The following HMCN2 variants were observed in gnomAD, a reference collection of about 807,000 sequenced individuals.
HMCN2 encodes hemicentin-2.
Under a neutral mutation model 377.5 loss-of-function variants are expected in HMCN2, and 325 were observed. The ratio of observed to expected loss-of-function variants is 0.86; its 90% CI spans 0.79 to 0.94. HMCN2 has a LOEUF of 0.94. Ranked by LOEUF, HMCN2 falls within the 40% of genes least tolerant of loss-of-function variation. The probability of loss-of-function intolerance (pLI) is 0.00; values close to 1 mark genes in which losing one functional copy is unlikely to be tolerated. For missense variants in HMCN2, 4,543 were observed against 4,725.3 expected (o/e 0.96, Z 1.13); for synonymous variants, 2,007 against 2,046.8 (o/e 0.98, Z 0.53).
At chr9:130,417,576 G>C (rs769064962) in intron 85 of HMCN2, among the ~76,000 whole-genome samples, 2 of 151,736 alleles carry the variant, frequency 1.3e-5, no homozygotes, top group Non-Finnish European at 2.9e-5. Context: ...GGGGTGGTGT[G>C]GCAGGGGAGA....
intron 1 of HMCN2, among the ~76,000 whole-genome samples, chr9:130,283,737 T>C (rs1835265454): frequency 6.6e-6 from 1 of 152,228 alleles, no homozygotes; most frequent in South Asian, 2.1e-4. Flanking sequence ...TGTTGTTGCC[T>C]ATATTGGTAG....
intron 30 of HMCN2, 73 bp from the exon 31 acceptor site, chr9:130,352,854 G>A (rs1839807000): frequency 8.5e-7 from 1 of 1,173,010 alleles, no homozygotes; most frequent in South Asian, 1.5e-5. Flanking sequence ...AAAGGCATGA[G>A]TCTGCTGCCC....
chr9:130,379,317 G>GC lies in HMCN2; in HGVS notation c.8284dup (p.Arg2762ProfsTer44), dbSNP rs1815464048. On this transcript the variant is annotated frameshift_variant, in exon 54 of 98. Coordinates refer to ENST00000683500, the MANE Select transcript of HMCN2 (RefSeq NM_001291815.2). LOFTEE classifies it high-confidence loss of function. ...CGAGATCCTGTCCCGGGAGGAGGAGGCCCGGGGCGGAGTCACGGAATACAG... is the reference window on the plus strand; with the variant it reads ...CGAGATCCTGTCCCGGGAGGAGGAGGCCCCGGGGCGGAGTCACGGAATACAG... The GC allele has an allele frequency of 2.0e-6, 2 of 985,618 alleles. No individual in the cohort carries two copies. Among genetic ancestry groups the GC allele is most frequent in the African/African-American group, 3.5e-5 (2 of 57,174 alleles). The allele number at this position is 985,618 out of a possible 1,614,324, so 61.1% of individuals were successfully genotyped here.
At chr9:130,354,223 G>A (rs1011325793) in intron 31 of HMCN2, among the ~76,000 whole-genome samples, 19 of 152,164 alleles carry the variant, frequency 1.2e-4, no homozygotes, top group African/African-American at 4.1e-4. Context: ...TCTCCTTGAG[G>A]GTAGGAGAGA....
intron 15 of HMCN2, among the ~76,000 whole-genome samples, chr9:130,315,100 C>CA (rs1444217100): frequency 1.3e-5 from 2 of 151,536 alleles, no homozygotes; most frequent in Non-Finnish European, 2.9e-5. Context: ...GCGCCTCCTG[C>CA]AGGGGGTCAG....
rs1844450380 is a variant in HMCN2 at position 130,427,517 on chromosome 9, G to C, written c.13963G>C (p.Gly4655Arg). 2 of 1,550,380 alleles carry C rather than the reference G, an allele frequency of 1.3e-6. No homozygotes were observed. The highest frequency in any genetic ancestry group is 1.4e-5 in the African/African-American group (1 of 73,060). ...CCCAGACAGGGACGAGTGCTCAGGA[G>C]GCCCTAGCCCCTGCTCCCATGCCTG... ...FCVDRDECSGGPSPCSHACLN... is the reference protein window; with the variant it reads ...FCVDRDECSGRPSPCSHACLN... The change falls in exon 92 of 98, where the codon GGC (glycine) becomes CGC (arginine). Residue 4655 changes from glycine to arginine, a missense_variant. Physicochemically the swap from Gly to Arg is moderately radical, Grantham distance 125 (BLOSUM62 -2). Coordinates refer to ENST00000683500, the MANE Select transcript of HMCN2 (RefSeq NM_001291815.2).
chr9:130,385,729 G>A lies in HMCN2; in HGVS notation c.9276G>A (p.Arg3092=). 1 of 1,304,126 alleles carries A rather than the reference G, an allele frequency of 7.7e-7. No individual in the cohort carries two copies. The highest frequency in any genetic ancestry group is 1.0e-6 in the Non-Finnish European group (1 of 988,910). 80.8% of individuals were successfully genotyped at this position (1,304,126 alleles called of 1,614,324 possible). ...LVLAQRTQAL[R]GGQRLEIQEA... Reference sequence around the variant, plus strand: ...TGGCACAGCGGACCCAGGCTCTGCGGGGTGGGCAGAGGCTGGAGATCCAGG... The same window carrying A: ...TGGCACAGCGGACCCAGGCTCTGCGAGGTGGGCAGAGGCTGGAGATCCAGG... Residue 3092 remains arginine (R), a synonymous_variant, in exon 60 of 98, where the codon CGG becomes CGA. Coordinates refer to ENST00000683500, the MANE Select transcript of HMCN2 (RefSeq NM_001291815.2).
At chr9:130,407,368 C>T (rs1843152077) in intron 82 of HMCN2, 1 of 347,276 alleles carries the variant, frequency 2.9e-6, no homozygotes, top group Admixed American at 4.3e-5. Context: ...ACAGTGTGCA[C>T]TGGAAGATGG....
At chr9:130,406,570 T>C (rs550263699) in intron 82 of HMCN2, 104 of 217,538 alleles carry the variant, frequency 4.8e-4, no homozygotes, top group African/African-American at 2.2e-3. Context: ...GAGTACCTGC[T>C]GGGTACTCAA....
At chr9:130,333,700 G>C (rs1440902864) in intron 22 of HMCN2, among the ~76,000 whole-genome samples, 1 of 152,168 alleles carries the variant, frequency 6.6e-6, no homozygotes, top group African/African-American at 2.4e-5. Context: ...CTTCCCTGCT[G>C]GGCTGCAGCC....
chr9:130,383,970 G>A (rs1841875075), intron 57 of HMCN2, among the ~76,000 whole-genome samples: 1 of 151,762 alleles, frequency 6.6e-6, no homozygotes. Flanking sequence ...GAGAGGAGTG[G>A]GATTGGGGGG....
Position 130,365,720 on chromosome 9 carries a change from C to A in HMCN2, c.6498C>A (p.Asn2166Lys). Residue 2166 changes from asparagine to lysine, a missense_variant, in exon 42 of 98, where the codon AAC becomes AAA. Physicochemically the swap from Asn to Lys is moderately conservative, Grantham distance 94. Transcript: ENST00000683500. ...AGHSEKHYNL[N>K]VWVAPVFPLR... is the part of the protein sequence containing the mutation. ...ACTCAGAGAAACACTACAATCTGAA[C>A]GTCTGGGGTGAGGGTCTCCCAGGCT... is the stretch of plus-strand genomic sequence containing the variant. The A allele has an allele frequency of 1.0e-6, 1 of 985,840 alleles. No individual in the cohort carries two copies. The highest frequency in any genetic ancestry group is 4.7e-5 in the South Asian group (1 of 21,278). 61.1% of individuals were successfully genotyped at this position (985,840 alleles called of 1,614,324 possible). A position where few individuals can be genotyped will look rare whatever the true frequency, so the allele number is the denominator to read the frequency against.
chr9:130,397,466 G>A, intron 73 of HMCN2, 62 bp from the exon 74 acceptor site: 9 of 1,268,296 alleles, frequency 7.1e-6, no homozygotes, highest in Non-Finnish European at 9.2e-6. Context: ...TCTTGCTAGA[G>A]ACAGCCTTGC....
At chr9:130,433,321 C>A in intron 97 of HMCN2, 27 bp from the exon 98 acceptor site, 1 of 1,403,644 alleles carries the variant, frequency 7.1e-7, no homozygotes, top group South Asian at 1.5e-5. Context: ...CCGAGTCCGC[C>A]TGTCCGTGTG....
intron 25 of HMCN2, among the ~76,000 whole-genome samples, chr9:130,345,613 G>A (rs1839352624): frequency 6.6e-6 from 1 of 151,274 alleles, no homozygotes; most frequent in African/African-American, 2.4e-5. Flanking sequence ...GTAGTGTGGT[G>A]TGTGGTGTGT....
chr9:130,328,651 G>A (rs1838269146), intron 22 of HMCN2, among the ~76,000 whole-genome samples: 1 of 152,082 alleles, frequency 6.6e-6, no homozygotes, highest in Non-Finnish European at 1.5e-5. Context: ...AATGTGCTGG[G>A]AGGCGGGGGT....
chr9:130,341,707 C>G (rs1473706894), intron 24 of HMCN2, among the ~76,000 whole-genome samples: 1 of 151,968 alleles, frequency 6.6e-6, no homozygotes, highest in Non-Finnish European at 1.5e-5. Flanking sequence ...GGCACTGGAC[C>G]CAGGGCCATC....
chr9:130,295,159 G>T (rs147065540), intron 5 of HMCN2, 133 bp downstream of exon 5: 7 of 285,038 alleles, frequency 2.5e-5, no homozygotes, highest in South Asian at 5.9e-5. Flanking sequence ...AATATGGGGT[G>T]GGGGGGACAC....
In HMCN2 at chr9:130,306,850, G is replaced by T. The variant is rs972301387; in HGVS notation, c.1998G>T (p.Gly666=). 6.4e-6 allele frequency: 3 copies of T among 470,836 alleles called. No homozygotes were observed. Among genetic ancestry groups the T allele is most frequent in the African/African-American group, 4.0e-5 (2 of 50,062 alleles). The allele number at this position is 470,836 out of a possible 1,614,324, so 29.2% of individuals were successfully genotyped here. ...CACAGGGAACCCTGATTATTCAGGG[G>T]GTAGCCCCAGAGGATGCTGGGAATT... The part of the protein sequence containing the change: ...VDAQGTLIIQ[G]VAPEDAGNYS... The change falls in exon 13 of 98, where the codon GGG becomes GGT. Residue 666 remains glycine (G), a synonymous_variant. Coordinates refer to ENST00000683500, the MANE Select transcript of HMCN2 (RefSeq NM_001291815.2).
Sources: gnomAD v4.1 joint callset for allele counts (sites outside exome capture counted in the v4.1 genomes callset) on GRCh38, gnomAD v4.1.1 for gene constraint, MANE v1.5 for transcripts, NCBI Gene and HGNC (gene_info 2026-07-23, HGNC 2026-07-21) for gene names.